DRD3: variants seen among roughly 807,000 people sequenced by gnomAD.
The protein encoded by DRD3 is D(3) dopamine receptor.
Under a neutral mutation model 36.3 loss-of-function variants are expected in DRD3, and 19 were observed. The observed-to-expected ratio is 0.52, with a 90% CI of 0.36 to 0.77. The LOEUF (loss-of-function observed/expected upper bound fraction) is 0.77, where lower values mean the gene tolerates loss of function less well. Among genes scored for constraint, DRD3 ranks in the 30% least tolerant of loss-of-function variants. The pLI, the probability that DRD3 is intolerant of heterozygous loss-of-function variation, is 0.00. For missense variants in DRD3, 465 were observed against 505.3 expected (o/e 0.92, Z 0.77); for synonymous variants, 195 against 203.7 (o/e 0.96, Z 0.36).
At chr3:114,194,860 C>G (rs1463211352) in intron 1 of DRD3, among the ~76,000 whole-genome samples, 1 of 149,168 alleles carries the variant, frequency 6.7e-6, no homozygotes, top group East Asian at 2.0e-4. Context: ...TTAAGTAAAA[C>G]AAAGTCTCCT....
intron 2 of DRD3, among the ~76,000 whole-genome samples, chr3:114,162,585 T>C (rs1002603954): frequency 6.6e-6 from 1 of 152,248 alleles, no homozygotes; most frequent in Non-Finnish European, 1.5e-5. Flanking sequence ...CAAAGCACTT[T>C]ACATACGTGG....
intron 1 of DRD3, among the ~76,000 whole-genome samples, chr3:114,193,332 T>G (rs1415319183): frequency 6.6e-6 from 1 of 152,078 alleles, no homozygotes; most frequent in Admixed American, 6.6e-5. Context: ...TTTCATAACA[T>G]ATAGTTTGAA....
chr3:114,164,844 C>T (rs577746275), intron 2 of DRD3, among the ~76,000 whole-genome samples: 2 of 152,184 alleles, frequency 1.3e-5, no homozygotes, highest in Non-Finnish European at 2.9e-5. Flanking sequence ...CTCCACCTCC[C>T]GGGTTCAAGT....
chr3:114,194,268 C>G (rs1021572975), intron 1 of DRD3, among the ~76,000 whole-genome samples: 1 of 152,024 alleles, frequency 6.6e-6, no homozygotes, highest in African/African-American at 2.4e-5. Context: ...CCCTCTGAAT[C>G]CTGAATCCAT....
At chr3:114,173,694 T>C (rs1345568795) in intron 1 of DRD3, among the ~76,000 whole-genome samples, 1 of 152,226 alleles carries the variant, frequency 6.6e-6, no homozygotes, top group Non-Finnish European at 1.5e-5. Context: ...GGTCCAGGAA[T>C]CTTAAATTCA....
intron 3 of DRD3, among the ~76,000 whole-genome samples, chr3:114,147,776 C>A (rs576702520): frequency 9.5e-4 from 145 of 152,218 alleles, no homozygotes; most frequent in Non-Finnish European, 1.8e-3. Context: ...GCCGCCACCA[C>A]GCCTGCCTAA....
chr3:114,190,182 T>G (rs1426062202), intron 1 of DRD3, among the ~76,000 whole-genome samples: 3 of 151,742 alleles, frequency 2.0e-5, no homozygotes, highest in East Asian at 3.9e-4. Context: ...TGCAGAAGTA[T>G]AATTTCAATA....
At chr3:114,198,081 A>G (rs1424284363) in intron 1 of DRD3, among the ~76,000 whole-genome samples, 1 of 152,144 alleles carries the variant, frequency 6.6e-6, no homozygotes, top group Non-Finnish European at 1.5e-5. Flanking sequence ...AACAAAAGTA[A>G]ATCTATTTAT....
upstream of DRD3, among the ~76,000 whole-genome samples, chr3:114,181,317 C>T (rs1040276435): frequency 6.6e-6 from 1 of 152,150 alleles, no homozygotes; most frequent in Non-Finnish European, 1.5e-5. Flanking sequence ...CTCCTTGACC[C>T]CCGTGGTGAA....
At chr3:114,132,001 T>G (rs2077435650) in intron 5 of DRD3, among the ~76,000 whole-genome samples, 1 of 152,216 alleles carries the variant, frequency 6.6e-6, no homozygotes, top group Admixed American at 6.5e-5. Context: ...ACTGTGGCGA[T>G]TCCTCATGGA....
chr3:114,128,816 G>T lies in DRD3; in HGVS notation c.1103C>A (p.Thr368Lys). 1 of 1,614,026 alleles carries T rather than the reference G, an allele frequency of 6.2e-7. No individual in the cohort carries two copies. The highest frequency in any genetic ancestry group is 2.2e-5 in the East Asian group (1 of 44,878). ...CHVSPELYSA[T>K]TWLGYVNSAL... ...GCTATTCACGTAGCCCAGCCATGTC[G>T]TGGCACTGTAAAGCTCTGGGGACAC... The change falls in exon 7 of 7, where the codon ACG (threonine) becomes AAG (lysine). Residue 368 changes from threonine to lysine, a missense_variant. Transcript: ENST00000383673.
chr3:114,148,312 T>G (rs2077586912), intron 3 of DRD3, among the ~76,000 whole-genome samples: 1 of 152,182 alleles, frequency 6.6e-6, no homozygotes, highest in Non-Finnish European at 1.5e-5. Flanking sequence ...AGAGGATATT[T>G]ACCTCCTGCT....
rs866174181 is a variant in DRD3 at position 114,197,277 on chromosome 3, A to T, written c.-156+1996T>A. 4.5e-3 allele frequency among the ~76,000 whole-genome samples: 403 copies of T among 89,412 alleles called. 2 individuals are homozygous for T. Among genetic ancestry groups the T allele is most frequent in the Middle Eastern group, 0.017 (2 of 118 alleles). 58.7% of individuals were successfully genotyped at this position (89,412 alleles called of 152,430 possible). A position where few individuals can be genotyped will look rare whatever the true frequency, so the allele number is the denominator to read the frequency against. On this transcript the variant is annotated intron_variant, in intron 1 of 7. Transcript: ENST00000460779. ...TAGGTGCACTTGGCTAATTAAAAAA[A>T]TTTTTTTTTTTTTTTTTTTTTTTTG...
chr3:114,143,593 G>A lies in DRD3; in HGVS notation c.526+3822C>T, dbSNP rs553056530. Among the ~76,000 whole-genome samples the A allele has an allele frequency of 6.6e-5, 10 of 152,218 alleles. No homozygotes were observed. In the East Asian group the frequency reaches 1.7e-3, roughly 26 times the overall value. On this transcript the variant is annotated intron_variant, in intron 4 of 6. Coordinates refer to ENST00000383673, the MANE Select transcript of DRD3 (RefSeq NM_000796.6). ...CCCCAGCTTGATTCCAAAGACATGC[G>A]GTGCCAATGAATCTGATTTTAGGAT...
At chr3:114,129,078 C>G (rs1057433741) in intron 6 of DRD3, among the ~76,000 whole-genome samples, 166 bp from the exon 7 acceptor site, 1 of 152,116 alleles carries the variant, frequency 6.6e-6, no homozygotes, top group Non-Finnish European at 1.5e-5. Flanking sequence ...TGTGGTGGCT[C>G]ACGCTTGTAA....
At chr3:114,134,363 G>A (rs2077457376) in intron 5 of DRD3, among the ~76,000 whole-genome samples, 1 of 152,020 alleles carries the variant, frequency 6.6e-6, no homozygotes, top group African/African-American at 2.4e-5. Context: ...CTCCAAAAGT[G>A]TTGGGATTAC....
intron 5 of DRD3, among the ~76,000 whole-genome samples, chr3:114,134,309 G>A (rs529306733): frequency 6.6e-6 from 1 of 152,094 alleles, no homozygotes; most frequent in African/African-American, 2.4e-5. Flanking sequence ...TGTTGGCCAG[G>A]CTGGTCTCAA....
At chr3:114,139,770 C>T in intron 4 of DRD3, 74 bp from the exon 5 acceptor site, 6 of 1,440,652 alleles carry the variant, frequency 4.2e-6, no homozygotes, top group Non-Finnish European at 5.8e-6. Context: ...AACACGGCTC[C>T]ATGTCACGTG....
At chr3:114,147,708 C>G in intron 3 of DRD3, 151 bp from the exon 4 acceptor site, 1 of 913,480 alleles carries the variant, frequency 1.1e-6, no homozygotes, top group Non-Finnish European at 1.6e-6. Flanking sequence ...CACTGCAGTT[C>G]AACTCCTGGG....
Sources: allele counts gnomAD v4.1 joint callset (sites outside exome capture counted in the v4.1 genomes callset), GRCh38; gene constraint gnomAD v4.1.1; transcripts MANE v1.5; gene names NCBI Gene and HGNC (gene_info 2026-07-23, HGNC 2026-07-21).